MAOB: variants seen among roughly 807,000 people sequenced by gnomAD.
MAOB encodes amine oxidase [flavin-containing] B.
MAOB carries 15 observed loss-of-function variants against 41.9 expected under a neutral mutation model. The ratio of observed to expected loss-of-function variants is 0.36; its 90% CI spans 0.24 to 0.55. The LOEUF (loss-of-function observed/expected upper bound fraction) is 0.55, where lower values mean the gene tolerates loss of function less well. Among genes scored for constraint, MAOB ranks in the 20% least tolerant of loss-of-function variants. The pLI is 0.86. For missense variants in MAOB, 345 were observed against 398.7 expected (o/e 0.87, Z 1.15); for synonymous variants, 167 against 144.2 (o/e 1.16, Z -1.13).
chrX:43,780,998 G>T (rs957468534), intron 9 of MAOB, among the ~76,000 whole-genome samples: 1 of 111,086 alleles, frequency 9.0e-6, no homozygotes, highest in East Asian at 2.8e-4. Flanking sequence ...CCACGTGCTG[G>T]TCGTCCCTGG....
At chrX:43,771,641 T>C (rs903307451) in intron 12 of MAOB, among the ~76,000 whole-genome samples, 1 of 111,210 alleles carries the variant, frequency 9.0e-6, no homozygotes, top group African/African-American at 3.3e-5. Flanking sequence ...TACTTTTTTT[T>C]CAATGGAGAA....
intron 1 of MAOB, among the ~76,000 whole-genome samples, chrX:43,867,787 A>G (rs1436652168): frequency 8.9e-6 from 1 of 112,515 alleles, no homozygotes; most frequent in Admixed American, 9.4e-5. Context: ...ACATACAGCT[A>G]TAATTACAAA....
At chrX:43,858,747 G>T (rs2035314061) in intron 1 of MAOB, among the ~76,000 whole-genome samples, 1 of 111,034 alleles carries the variant, frequency 9.0e-6, no homozygotes, top group African/African-American at 3.3e-5. Flanking sequence ...GAATCTTTGG[G>T]GAGCTCCATA....
chrX:43,769,355 G>A lies in MAOB; in HGVS notation c.1299C>T (p.Ser433=), dbSNP rs769791126. 5 of 1,208,786 alleles carry A rather than the reference G, an allele frequency of 4.1e-6. No homozygotes were observed. The highest frequency in any genetic ancestry group is 5.6e-6 in the Non-Finnish European group (5 of 894,563). Residue 433 remains serine, a synonymous_variant, in exon 13 of 15, where the codon AGC becomes AGT. Transcript: ENST00000378069. The stretch of plus-strand genomic sequence containing the variant: ...CCTCTACAGCCCCCTCCATGTAGCC[G>A]CTCCAGTGTGTGGCAGTCTCGGTGC... The part of the protein sequence containing the change: ...FAGTETATHW[S]GYMEGAVEAG...
In MAOB at chrX:43,775,171, C is replaced by T; in HGVS notation, c.1235+4G>A. ...TGTAACAGCTTAGCATGCTTTTACTCTACCTTCCATATTGAGTCAGGATCC... is the reference window on the plus strand; with the variant it reads ...TGTAACAGCTTAGCATGCTTTTACTTTACCTTCCATATTGAGTCAGGATCC... On this transcript the variant is annotated splice_donor_region_variant and intron_variant, in intron 12 of 14. Coordinates refer to ENST00000378069, the MANE Select transcript of MAOB (RefSeq NM_000898.5). The T allele has an allele frequency of 8.6e-7, 1 of 1,167,057 alleles. No individual in the cohort carries two copies. The highest frequency in any genetic ancestry group is 1.1e-6 in the Non-Finnish European group (1 of 874,811).
intron 1 of MAOB, among the ~76,000 whole-genome samples, chrX:43,853,696 A>G (rs950254047): frequency 1.8e-5 from 2 of 111,806 alleles, no homozygotes; most frequent in African/African-American, 6.5e-5. Flanking sequence ...AGAGACATGC[A>G]CATAGGGAGA....
chrX:43,815,470 G>C (rs1222561629), intron 3 of MAOB, among the ~76,000 whole-genome samples: 1 of 111,639 alleles, frequency 9.0e-6, no homozygotes, highest in Non-Finnish European at 1.9e-5. Flanking sequence ...GAGAAATCTT[G>C]GCTCAAATAA....
intron 1 of MAOB, among the ~76,000 whole-genome samples, chrX:43,857,940 A>G (rs930192883): frequency 4.5e-5 from 5 of 111,667 alleles, no homozygotes; most frequent in African/African-American, 1.3e-4. Context: ...GCCAGCCCCA[A>G]CTTGTGAGAG....
intron 2 of MAOB, among the ~76,000 whole-genome samples, chrX:43,840,582 G>A (rs1264497042): frequency 9.0e-6 from 1 of 111,315 alleles, no homozygotes; most frequent in Non-Finnish European, 1.9e-5. Flanking sequence ...GTTTCCAACT[G>A]AGGTACCCAG....
intron 3 of MAOB, among the ~76,000 whole-genome samples, chrX:43,833,185 G>A (rs2035037250): frequency 9.0e-6 from 1 of 110,986 alleles, no homozygotes. Context: ...CTGTTAAATG[G>A]GGATAATACT....
chrX:43,861,080 G>T, intron 1 of MAOB, among the ~76,000 whole-genome samples: 1 of 112,259 alleles, frequency 8.9e-6, no homozygotes, highest in Non-Finnish European at 1.9e-5. Context: ...TGGTCCATTT[G>T]GTAATTTATT....
At chrX:43,876,412 C>T (rs1027215690) in intron 1 of MAOB, among the ~76,000 whole-genome samples, 1 of 111,952 alleles carries the variant, frequency 8.9e-6, no homozygotes, top group Non-Finnish European at 1.9e-5. Flanking sequence ...TTTCTGGAAA[C>T]GTGAGTTGCA....
chrX:43,872,131 A>G (rs758324712), intron 1 of MAOB, among the ~76,000 whole-genome samples: 32 of 111,972 alleles, frequency 2.9e-4, no homozygotes, highest in Non-Finnish European at 5.1e-4. Flanking sequence ...AAACTTCTGG[A>G]AGCACAGGCT....
chrX:43,810,110 G>A (rs1440114718), intron 3 of MAOB, among the ~76,000 whole-genome samples: 1 of 101,300 alleles, frequency 9.9e-6, no homozygotes, highest in Non-Finnish European at 2.0e-5. Flanking sequence ...GGGCGTGGTG[G>A]CGGGCGCCTG....
At chrX:43,857,165 A>AGAG in intron 1 of MAOB, among the ~76,000 whole-genome samples, 1 of 35,471 alleles carries the variant, frequency 2.8e-5, no homozygotes, top group Non-Finnish European at 4.7e-5. Context: ...AGAGAGAGAG[A>AGAG]AGAAGAGAGA....
At chrX:43,848,811 C>T (rs2035229872) in intron 1 of MAOB, among the ~76,000 whole-genome samples, 1 of 111,909 alleles carries the variant, frequency 8.9e-6, no homozygotes, top group Non-Finnish European at 1.9e-5. Context: ...GCCTCGGCCT[C>T]CCAAAGTGCT....
At chrX:43,804,993 C>T (rs1183716935) in intron 3 of MAOB, among the ~76,000 whole-genome samples, 1 of 111,026 alleles carries the variant, frequency 9.0e-6, no homozygotes, top group Non-Finnish European at 1.9e-5. Context: ...GTTTAGTTTC[C>T]GTATTTTGTT....
At chrX:43,867,280 A>G (rs2035371778) in intron 1 of MAOB, among the ~76,000 whole-genome samples, 1 of 112,187 alleles carries the variant, frequency 8.9e-6, no homozygotes, top group South Asian at 3.7e-4. Flanking sequence ...GGGAGCTGGC[A>G]AAGGAGACTG....
chrX:43,799,850 C>T (rs1450241396), intron 5 of MAOB, among the ~76,000 whole-genome samples: 1 of 111,319 alleles, frequency 9.0e-6, no homozygotes, highest in Non-Finnish European at 1.9e-5. Context: ...TTACTAGTCT[C>T]ATTTTGATGC....
Sources: allele counts gnomAD v4.1 joint callset (sites outside exome capture counted in the v4.1 genomes callset), GRCh38; gene constraint gnomAD v4.1.1; transcripts MANE v1.5; gene names NCBI Gene and HGNC (gene_info 2026-07-23, HGNC 2026-07-21).